The following USH2A variants were observed in gnomAD, a reference collection of about 807,000 sequenced individuals.
USH2A encodes the protein Usher syndrome 2A (autosomal recessive, mild).
USH2A carries 443 observed loss-of-function variants against 538.9 expected under a neutral mutation model. The observed-to-expected ratio is 0.82, with a 90% CI of 0.76 to 0.89. The LOEUF is 0.89. Ranked by LOEUF, USH2A falls within the 40% of genes least tolerant of loss-of-function variation. The pLI, the probability that USH2A is intolerant of heterozygous loss-of-function variation, is 0.00. For synonymous variants in USH2A, 2,413 were observed against 2,273.5 expected (o/e 1.06, Z -1.75); for missense variants, 6,633 against 6,324.8 (o/e 1.05, Z -1.65).
chr1:215,779,710 T>C, intron 55 of USH2A, 133 bp downstream of exon 55: 3 of 1,077,194 alleles, frequency 2.8e-6, no homozygotes, highest in Non-Finnish European at 4.1e-6. Context: ...AAGTGGGACC[T>C]GACCATATGT....
At chr1:216,016,684 A>G (rs1219329427) in intron 32 of USH2A, among the ~76,000 whole-genome samples, 2 of 152,172 alleles carry the variant, frequency 1.3e-5, no homozygotes, top group Non-Finnish European at 2.9e-5. Flanking sequence ...GATGTATCTT[A>G]TGACCCCTAA....
At chr1:215,882,939 C>A (rs1208121878) in intron 41 of USH2A, among the ~76,000 whole-genome samples, 1 of 151,958 alleles carries the variant, frequency 6.6e-6, no homozygotes, top group Non-Finnish European at 1.5e-5. Context: ...TATTGCCATG[C>A]CAAAAGGAAA....
intron 38 of USH2A, among the ~76,000 whole-genome samples, chr1:215,912,284 CCT>C (rs1665804077): frequency 1.3e-5 from 2 of 151,780 alleles, no homozygotes; most frequent in Admixed American, 1.3e-4. Context: ...AGACCTATGT[CCT>C]ATAGATTTTC....
intron 47 of USH2A, among the ~76,000 whole-genome samples, chr1:215,829,434 C>A (rs907794498): frequency 3.3e-5 from 5 of 152,134 alleles, no homozygotes; most frequent in Admixed American, 2.6e-4. Context: ...TTAAATTTTA[C>A]TGACTTCTGA....
intron 11 of USH2A, among the ~76,000 whole-genome samples, chr1:216,287,585 G>T (rs2036911433): frequency 6.6e-6 from 1 of 151,974 alleles, no homozygotes; most frequent in South Asian, 2.1e-4. Flanking sequence ...ACCACCCAAG[G>T]TTGTCTAGCA....
intron 32 of USH2A, among the ~76,000 whole-genome samples, chr1:216,037,092 A>G (rs2030019876): frequency 6.6e-6 from 1 of 152,238 alleles, no homozygotes; most frequent in Non-Finnish European, 1.5e-5. Context: ...AGTCTTTTTT[A>G]CATTATTAAC....
At position 216,062,171 on chromosome 1, in the gene USH2A, G is replaced by A. The variant is rs186013327; in HGVS notation, c.6049+7930C>T. 5.3e-5 allele frequency among the ~76,000 whole-genome samples: 8 copies of A among 152,196 alleles called. No individual in the cohort carries two copies. In the South Asian group the frequency reaches 8.3e-4, roughly 16 times the overall value. The stretch of plus-strand genomic sequence containing the variant: ...TGGAAGATTGTCATATTCTGGGGAG[G>A]ATTTAATTCAAGAAACTTGTAAAAT... On this transcript the variant is annotated intron_variant, in intron 30 of 71. Coordinates refer to ENST00000307340, the MANE Select transcript of USH2A (RefSeq NM_206933.4).
intron 3 of USH2A, among the ~76,000 whole-genome samples, chr1:216,416,579 A>G (rs918764045): frequency 1.3e-5 from 2 of 152,210 alleles, no homozygotes; most frequent in South Asian, 4.1e-4. Context: ...GAAGAGAAAG[A>G]TTTAAAGATT....
At chr1:215,998,813 GAAA>G in intron 34 of USH2A, 71 bp downstream of exon 34, 2 of 1,513,802 alleles carry the variant, frequency 1.3e-6, no homozygotes, top group Non-Finnish European at 1.8e-6. Flanking sequence ...GAGAGAGAAA[GAAA>G]AGATGGACCA....
intron 46 of USH2A, among the ~76,000 whole-genome samples, chr1:215,838,410 A>T (rs1156674351): frequency 1.3e-5 from 2 of 152,218 alleles, no homozygotes; most frequent in African/African-American, 4.8e-5. Flanking sequence ...GGAATGGAAG[A>T]TGCCCAAGTG....
At position 216,251,112 on chromosome 1, in the gene USH2A, A is replaced by G; in HGVS notation, c.1972-14T>C. ...CTGTCCTCCAATCTAGAGAAGATAC[A>G]ACATTTTGTAGAATGATGAACGTAT... On this transcript the variant is annotated splice_polypyrimidine_tract_variant and intron_variant, in intron 11 of 71. Transcript: ENST00000307340. 1.2e-6 allele frequency: 2 copies of G among 1,613,412 alleles called. No homozygotes were observed. The highest frequency in any genetic ancestry group is 4.5e-5 in the East Asian group (2 of 44,804).
chr1:215,813,809 A>G lies in USH2A; in HGVS notation c.9666T>C (p.Cys3222=), dbSNP rs1202912751. 6 of 1,613,848 alleles carry G rather than the reference A, an allele frequency of 3.7e-6. No homozygotes were observed. The highest frequency in any genetic ancestry group is 1.7e-5 in the Admixed American group (1 of 59,974). Residue 3222 remains cysteine (C), a synonymous_variant, in exon 49 of 72, where the codon TGT becomes TGC. Transcript: ENST00000307340. Reference sequence around the variant, plus strand: ...GTGCCTCCTGTATTCGGCCACCACAACAAACTCCAGTAGAATTCAGAACAA... The same window carrying G: ...GTGCCTCCTGTATTCGGCCACCACAGCAAACTCCAGTAGAATTCAGAACAA... The part of the protein sequence containing the change: ...IPFVLNSTGV[C]CGGRIQEAQP...
intron 9 of USH2A, among the ~76,000 whole-genome samples, chr1:216,301,424 C>T (rs2102622895): frequency 6.6e-6 from 1 of 152,270 alleles, no homozygotes; most frequent in South Asian, 2.1e-4. Context: ...ATAGTAGGTA[C>T]TCAATTTATA....
At chr1:216,359,527 T>C (rs1393152187) in intron 4 of USH2A, among the ~76,000 whole-genome samples, 1 of 152,132 alleles carries the variant, frequency 6.6e-6, no homozygotes, top group African/African-American at 2.4e-5. Context: ...CACAGTGTTT[T>C]GAATATCAAA....
At chr1:215,899,095 T>C (rs552403056) in intron 40 of USH2A, among the ~76,000 whole-genome samples, 10 of 152,322 alleles carry the variant, frequency 6.6e-5, no homozygotes, top group African/African-American at 2.4e-4. Flanking sequence ...AATGTCTAAT[T>C]TGATGTCTTA....
At chr1:216,258,653 C>T (rs79146212) in intron 11 of USH2A, among the ~76,000 whole-genome samples, 25 of 152,196 alleles carry the variant, frequency 1.6e-4, no homozygotes, top group African/African-American at 4.6e-4. Flanking sequence ...AAGCAGTAAT[C>T]CGGGTCAATT....
chr1:215,741,271 T>C, intron 60 of USH2A, 104 bp downstream of exon 60: 1 of 1,351,722 alleles, frequency 7.4e-7, no homozygotes, highest in East Asian at 2.3e-5. Flanking sequence ...CAACATGAAT[T>C]CCCATTCATT....
At chr1:215,676,048 T>C (rs1307304794) in intron 62 of USH2A, among the ~76,000 whole-genome samples, 1 of 152,148 alleles carries the variant, frequency 6.6e-6, no homozygotes, top group Non-Finnish European at 1.5e-5. Flanking sequence ...TGCTGGGAAA[T>C]GGAATTACAA....
intron 21 of USH2A, among the ~76,000 whole-genome samples, chr1:216,159,175 CT>C (rs1156621060): frequency 6.6e-6 from 1 of 151,978 alleles, no homozygotes; most frequent in African/African-American, 2.4e-5. Flanking sequence ...ATACCTAATA[CT>C]TATTTATTTT....
Sources: allele counts gnomAD v4.1 joint callset (sites outside exome capture counted in the v4.1 genomes callset), GRCh38; gene constraint gnomAD v4.1.1; transcripts MANE v1.5; gene names NCBI Gene and HGNC (gene_info 2026-07-23, HGNC 2026-07-21).